Variants in NR2C1 observed in about 807,000 individuals in gnomAD.
NR2C1 encodes nuclear receptor subfamily 2 group C member 1.
Under a neutral mutation model 74.8 loss-of-function variants are expected in NR2C1, and 33 were observed. That is an observed-to-expected ratio of 0.44 (90% CI 0.33 to 0.59). The LOEUF is 0.59. Among genes scored for constraint, NR2C1 ranks in the 20% least tolerant of loss-of-function variants. The pLI is 0.02. For missense variants in NR2C1, 568 were observed against 715.6 expected (o/e 0.79, Z 2.35); for synonymous variants, 225 against 240.6 (o/e 0.94, Z 0.60).
chr12:95,033,172 A>G lies in NR2C1; in HGVS notation c.1254-1684T>C, dbSNP rs190187011. Among the ~76,000 whole-genome samples the G allele has an allele frequency of 8.5e-4, 129 of 152,222 alleles. 1 individual carries two copies. The East Asian group carries it at 0.022, about 26-fold the overall frequency. ...TCAAAAAAAAAAAAAAAATTGAGAAAGTATATGCCAGGTACTGGAGAAATA... is the reference window on the plus strand; with the variant it reads ...TCAAAAAAAAAAAAAAAATTGAGAAGGTATATGCCAGGTACTGGAGAAATA... On this transcript the variant is annotated intron_variant, in intron 10 of 13. Transcript: ENST00000333003.
rs556530068 is a variant in NR2C1, at chr12:95,021,639, T to C, written c.*590A>G. Reference sequence around the variant, plus strand: ...TAAGATCATGAATGGCCTGTCTCACTGCCAGCAATGAGAGTAGTATATGCT... The same window carrying C: ...TAAGATCATGAATGGCCTGTCTCACCGCCAGCAATGAGAGTAGTATATGCT... On this transcript the variant is annotated 3_prime_UTR_variant, in exon 14 of 14. Transcript: ENST00000333003. 4.6e-5 allele frequency: 7 copies of C among 151,800 alleles called. No individual in the cohort carries two copies. The highest frequency in any genetic ancestry group is 7.4e-5 in the Non-Finnish European group (5 of 67,796). 9.4% of individuals were successfully genotyped at this position (151,800 alleles called of 1,614,324 possible). A position where few individuals can be genotyped will look rare whatever the true frequency, so the allele number is the denominator to read the frequency against.
Position 95,059,906 on chromosome 12 carries a change from C to A in NR2C1, c.364G>T (p.Gly122Ter). ...TTTAGGAGGTTATTCTTAATGTTAC[C>A]TGATGCTTTGTCTCCACATACTACG... ...LCVVCGDKAS[G>*]RHYGAVTCEG... Residue 122 changes from glycine to a stop codon, truncating the protein, a stop_gained and splice_region_variant, in exon 4 of 14, where the codon GGA becomes TGA. Coordinates refer to ENST00000333003, the MANE Select transcript of NR2C1 (RefSeq NM_003297.4). LOFTEE classifies it high-confidence loss of function. 1 of 1,567,560 alleles carries A rather than the reference C, an allele frequency of 6.4e-7. No individual in the cohort carries two copies. Among genetic ancestry groups the A allele is most frequent in the South Asian group, 1.2e-5 (1 of 83,630 alleles).
Position 95,043,689 on chromosome 12 carries a change from C to CAAAAAAAAAAAAAAAAAAAAAAAAAAAAA in NR2C1, c.1132-3093_1132-3092insTTTTTTTTTTTTTTTTTTTTTTTTTTTTT, listed in dbSNP as rs34229669. 1.9e-3 allele frequency among the ~76,000 whole-genome samples: 177 copies of CAAAAAAAAAAAAAAAAAAAAAAAAAAAAA among 94,036 alleles called. 3 individuals carry two copies. Among genetic ancestry groups the CAAAAAAAAAAAAAAAAAAAAAAAAAAAAA allele is most frequent in the Non-Finnish European group, 3.1e-3 (136 of 43,786 alleles). The allele number at this position is 94,036 out of a possible 152,430, so 61.7% of individuals were successfully genotyped here. A position where few individuals can be genotyped will look rare whatever the true frequency, so the allele number is the denominator to read the frequency against. On this transcript the variant is annotated intron_variant, in intron 9 of 13. Coordinates refer to ENST00000333003, the MANE Select transcript of NR2C1 (RefSeq NM_003297.4). ...TGGGAGACAGAGCAAGACTCTGTCTCAAAAAAAAAAAAAATCCTTTGCAAA... is the reference window on the plus strand; with the variant it reads ...TGGGAGACAGAGCAAGACTCTGTCTCAAAAAAAAAAAAAAAAAAAAAAAAAAAAAAAAAAAAAAAAAAATCCTTTGCAAA...
chr12:95,070,785 C>T (rs904549197), intron 1 of NR2C1, among the ~76,000 whole-genome samples: 1 of 152,190 alleles, frequency 6.6e-6, no homozygotes, highest in South Asian at 2.1e-4. Flanking sequence ...AATCCGACTT[C>T]CCCCTATTCT....
At position 95,057,319 on chromosome 12, in the gene NR2C1, G is replaced by A. The variant is rs183745806; in HGVS notation, c.783+234C>T. 2.0e-5 allele frequency among the ~76,000 whole-genome samples: 3 copies of A among 151,450 alleles called. No homozygotes were observed. In the East Asian group the frequency reaches 5.9e-4, roughly 30 times the overall value. ...GGGGTTTCTCCATGTTGGTCAGGCT[G>A]GTCTTGAACTTCTGACCTCAAGCGA... On this transcript the variant is annotated intron_variant, in intron 7 of 13. Transcript: ENST00000333003.
intron 12 of NR2C1, among the ~76,000 whole-genome samples, chr12:95,027,949 A>G (rs1012025127): frequency 6.6e-6 from 1 of 152,192 alleles, no homozygotes; most frequent in Admixed American, 6.5e-5. Context: ...CGTATTTTAT[A>G]TAAATGAAAT....
At chr12:95,064,963 T>G (rs1373261137) in intron 2 of NR2C1, among the ~76,000 whole-genome samples, 1 of 152,228 alleles carries the variant, frequency 6.6e-6, no homozygotes, top group Non-Finnish European at 1.5e-5. Flanking sequence ...TAGTTCATAC[T>G]GACTTCTTAG....
chr12:95,030,716 C>T, intron 11 of NR2C1: 4 of 1,601,350 alleles, frequency 2.5e-6, no homozygotes, highest in Non-Finnish European at 2.6e-6. Context: ...AAAGGTAGTC[C>T]CCAATTTATA....
intron 11 of NR2C1, among the ~76,000 whole-genome samples, chr12:95,029,580 T>C (rs1378028327): frequency 2.9e-5 from 4 of 136,366 alleles, no homozygotes; most frequent in African/African-American, 1.1e-4. Context: ...TTTTTTGAGA[T>C]GGAGTCTCGC....
At chr12:95,071,668 A>G (rs926122292) in intron 1 of NR2C1, among the ~76,000 whole-genome samples, 1 of 152,138 alleles carries the variant, frequency 6.6e-6, no homozygotes, top group African/African-American at 2.4e-5. Context: ...CATTTCTATA[A>G]AACAAAACAA....
intron 2 of NR2C1, among the ~76,000 whole-genome samples, chr12:95,065,482 T>C (rs1472467346): frequency 2.0e-5 from 3 of 152,152 alleles, no homozygotes; most frequent in Non-Finnish European, 4.4e-5. Flanking sequence ...AAATTTATTT[T>C]TAATTTTCGT....
chr12:95,056,071 A>G (rs1421370435), intron 7 of NR2C1, among the ~76,000 whole-genome samples: 1 of 151,778 alleles, frequency 6.6e-6, no homozygotes, highest in Non-Finnish European at 1.5e-5. Context: ...GTTCGAGACC[A>G]GCTGGGTAAC....
chr12:95,033,308 TAAA>T (rs538343536), intron 10 of NR2C1, among the ~76,000 whole-genome samples: 115 of 152,170 alleles, frequency 7.6e-4, no homozygotes, highest in African/African-American at 2.5e-3. Context: ...TTTTAGGTAA[TAAA>T]AATTCTACAT....
chr12:95,029,529 A>G (rs964601147), intron 11 of NR2C1, among the ~76,000 whole-genome samples: 1 of 151,608 alleles, frequency 6.6e-6, no homozygotes, highest in Non-Finnish European at 1.5e-5. Context: ...CCAAACAAAC[A>G]AAAAAAGAAA....
chr12:95,030,714 T>TC, intron 11 of NR2C1: 2 of 1,601,760 alleles, frequency 1.2e-6, no homozygotes, highest in East Asian at 2.3e-5. Flanking sequence ...TAAAAGGTAG[T>TC]CCCCAATTTA....
chr12:95,032,633 C>T (rs764650390), intron 10 of NR2C1, among the ~76,000 whole-genome samples: 1 of 152,106 alleles, frequency 6.6e-6, no homozygotes, highest in Non-Finnish European at 1.5e-5. Flanking sequence ...AGACACTATA[C>T]GTCCTATATC....
At chr12:95,070,829 C>G (rs1324780708) in intron 1 of NR2C1, among the ~76,000 whole-genome samples, 1 of 152,212 alleles carries the variant, frequency 6.6e-6, no homozygotes, top group African/African-American at 2.4e-5. Flanking sequence ...GGCCTCTGTT[C>G]AGGTCAAACT....
intron 1 of NR2C1, 135 bp from the exon 2 acceptor site, chr12:95,067,526 G>A: frequency 1.4e-6 from 1 of 700,012 alleles, no homozygotes; most frequent in Non-Finnish European, 2.3e-6. Context: ...GGCTTTTTCT[G>A]AAGTTTCTTT....
chr12:95,035,029 C>G (rs185439600), intron 10 of NR2C1, among the ~76,000 whole-genome samples: 1 of 152,186 alleles, frequency 6.6e-6, no homozygotes, highest in Admixed American at 6.5e-5. Flanking sequence ...ACAAAGAAAA[C>G]TGGCAACAAC....
Sources: allele counts gnomAD v4.1 joint callset (sites outside exome capture counted in the v4.1 genomes callset), GRCh38; gene constraint gnomAD v4.1.1; transcripts MANE v1.5; gene names NCBI Gene and HGNC (gene_info 2026-07-23, HGNC 2026-07-21).